PIEZO1: variants seen among roughly 807,000 people sequenced by gnomAD.
PIEZO1 encodes the protein piezo type mechanosensitive ion channel component 1 (Er blood group).
A neutral mutation model predicts 297.2 loss-of-function variants in PIEZO1; 296 were observed. The observed-to-expected ratio is 1.00, with a 90% CI of 0.91 to 1.10. The LOEUF is 1.10. Ranked by LOEUF, PIEZO1 falls within the 50% of genes least tolerant of loss-of-function variation. The probability of loss-of-function intolerance (pLI) is 0.00; values close to 1 mark genes in which losing one functional copy is unlikely to be tolerated. For missense variants in PIEZO1, 5,018 were observed against 3,455.5 expected (o/e 1.45, Z -11.34); for synonymous variants, 2,427 against 1,507.5 (o/e 1.61, Z -14.13).
chr16:88,717,557 G>C lies in PIEZO1; in HGVS notation c.6472-346C>G, dbSNP rs537607938. 6.1e-6 allele frequency: 3 copies of C among 494,792 alleles called. No individual in the cohort carries two copies. In the Admixed American group the frequency reaches 6.9e-5, roughly 11 times the overall value. The allele number at this position is 494,792 out of a possible 1,614,324, so 30.7% of individuals were successfully genotyped here. On this transcript the variant is annotated intron_variant, in intron 44 of 50. Transcript: ENST00000301015. ...TTTACCTCAAAGTGGATCAAAGAGC[G>C]AAACTTCAGAGCTAAAACTATAGAA...
chr16:88,751,526 C>T (rs1452559645), intron 1 of PIEZO1, among the ~76,000 whole-genome samples: 2 of 152,226 alleles, frequency 1.3e-5, no homozygotes, highest in East Asian at 1.9e-4. Context: ...GGGCACCGCC[C>T]GCCCTGCTGG....
rs1280667955 is a variant in PIEZO1 at position 88,722,636 on chromosome 16, C to A, written c.4722G>T (p.Glu1574Asp). The change falls in exon 35 of 51, where the codon GAG becomes GAT. Residue 1574 changes from glutamate (E) to aspartate (D), a missense_variant. Coordinates refer to ENST00000301015, the MANE Select transcript of PIEZO1 (RefSeq NM_001142864.4). ...CCTCGGTGGGGCCTGGCAGCGTGGC[C>A]TCGGCCTGGCTTGTGTACAGCTGAT... ...VLDQLYTSQAEATLPGPTEAP... is the reference protein window; with the variant it reads ...VLDQLYTSQADATLPGPTEAP... 1.3e-6 allele frequency: 2 copies of A among 1,538,438 alleles called. No homozygotes were observed. Among genetic ancestry groups the A allele is most frequent in the Non-Finnish European group, 1.7e-6 (2 of 1,146,178 alleles).
At chr16:88,755,796 G>A (rs1039800306) in intron 1 of PIEZO1, among the ~76,000 whole-genome samples, 9 of 152,346 alleles carry the variant, frequency 5.9e-5, no homozygotes, top group African/African-American at 2.2e-4. Context: ...GGCCTCACAG[G>A]AGAGCCTCGG....
chr16:88,720,476 T>G lies in PIEZO1; in HGVS notation c.5858A>C (p.Lys1953Thr), dbSNP rs566633253. ...RRFFHDILHT[K>T]YRAATDVYAL... is the part of the protein sequence containing the mutation. ...ATAGACGTCGGTGGCTGCGCGGTAC[T>G]TGGTGTGCAGGATGTCGTGGAAGAA... The change falls in exon 41 of 51, where the codon AAG (lysine) becomes ACG (threonine). Residue 1953 changes from lysine to threonine, a missense_variant. Physicochemically the swap from Lys to Thr is moderately conservative, Grantham distance 78. Transcript: ENST00000301015. 2.6e-6 allele frequency: 4 copies of G among 1,550,286 alleles called. No homozygotes were observed. Among genetic ancestry groups the G allele is most frequent in the Non-Finnish European group, 3.5e-6 (4 of 1,146,956 alleles).
intron 2 of PIEZO1, chr16:88,743,009 T>C: frequency 2.2e-6 from 1 of 454,500 alleles, no homozygotes. Flanking sequence ...CCCTGGCATT[T>C]CAGGCACCTG....
In PIEZO1 at chr16:88,736,178, G is replaced by T. The variant is rs76834910; in HGVS notation, c.1527C>A (p.Thr509=). Reference sequence around the variant, plus strand: ...CACCAAGGTCCAGACAGGGGTAGCGGGTGTGCTCCAGCCCCAGCTGGCGCA... The same window carrying T: ...CACCAAGGTCCAGACAGGGGTAGCGTGTGTGCTCCAGCCCCAGCTGGCGCA... ...VSLRQLGLEH[T]RYPCLDLGAM... The change falls in exon 12 of 51, where the codon ACC becomes ACA. Residue 509 remains threonine, a synonymous_variant. Transcript: ENST00000301015. 10,258 of 1,548,756 alleles carry T rather than the reference G, an allele frequency of 6.6e-3. 256 individuals are homozygous for T. The highest frequency in any genetic ancestry group is 0.066 in the Admixed American group (3,343 of 50,948).
rs117588304 is a variant in PIEZO1, at chr16:88,766,758, C to T, written c.65-17279G>A. On this transcript the variant is annotated intron_variant, in intron 1 of 50. Coordinates refer to ENST00000301015, the MANE Select transcript of PIEZO1 (RefSeq NM_001142864.4). ...AACCACTAGGTGGGCAGGGCACTGC[C>T]TGGCTCTTCCCCAGGATCACCAGCC... Among the ~76,000 whole-genome samples, 938 of 152,360 alleles carry T rather than the reference C, an allele frequency of 6.2e-3. 12 individuals are homozygous for T. Among genetic ancestry groups the T allele is most frequent in the East Asian group, 0.024 (124 of 5,176 alleles).
intron 1 of PIEZO1, among the ~76,000 whole-genome samples, chr16:88,784,506 GAAAGAGAAA>G (rs1908085823): frequency 6.6e-6 from 1 of 151,540 alleles, no homozygotes; most frequent in Non-Finnish European, 1.5e-5. Context: ...TTTTAAACCC[GAAAGAGAAA>G]AAGAGATTCG....
intron 2 of PIEZO1, among the ~76,000 whole-genome samples, chr16:88,746,234 G>A (rs1420161450): frequency 1.3e-5 from 2 of 152,162 alleles, no homozygotes; most frequent in Non-Finnish European, 2.9e-5. Flanking sequence ...CAGAGCCGGG[G>A]GACCAGTGAA....
At position 88,721,586 on chromosome 16, in the gene PIEZO1, G is replaced by A. The variant is rs748981838; in HGVS notation, c.5355C>T (p.Tyr1785=). 214 of 1,550,162 alleles carry A rather than the reference G, an allele frequency of 1.4e-4. No individual in the cohort carries two copies. Among genetic ancestry groups the A allele is most frequent in the South Asian group, 3.8e-4 (32 of 84,060 alleles). Residue 1785 remains tyrosine, a synonymous_variant, in exon 38 of 51, where the codon TAC becomes TAT. Transcript: ENST00000301015. Reference sequence around the variant, plus strand: ...AAAGGGCCATGAGCTGCACCAGGTCGTACTTGATGTAGCCGTCAGTCTTCT... The same window carrying A: ...AAAGGGCCATGAGCTGCACCAGGTCATACTTGATGTAGCCGTCAGTCTTCT... ...GLEKTDGYIK[Y]DLVQLMALFF...
At chr16:88,768,684 G>C (rs1345340922) in intron 1 of PIEZO1, among the ~76,000 whole-genome samples, 1 of 152,212 alleles carries the variant, frequency 6.6e-6, no homozygotes, top group African/African-American at 2.4e-5. Flanking sequence ...CCTGGGGAGA[G>C]GCCAGGATGG....
At chr16:88,744,745 G>C (rs2340963) in intron 2 of PIEZO1, among the ~76,000 whole-genome samples, 119,999 of 151,254 alleles carry the variant, frequency 0.79, 47,770 homozygotes, top group East Asian at 0.95. Flanking sequence ...TGATCCCTCC[G>C]CAGGGTCGAA....
Position 88,726,897 on chromosome 16 carries a change from C to T in PIEZO1, c.3517G>A (p.Val1173Met), listed in dbSNP as rs987656266. 1 of 1,550,320 alleles carries T rather than the reference C, an allele frequency of 6.5e-7. No individual in the cohort carries two copies. Among genetic ancestry groups the T allele is most frequent in the African/African-American group, 1.4e-5 (1 of 73,052 alleles). ...FRYLFWLVLV[V>M]VFVTGATRIS... ...CGGGTGGCCCCCGTGACAAACACCA[C>T]CACCAGCACCAGCCAGAACAGGTAT... is the stretch of plus-strand genomic sequence containing the variant. Residue 1173 changes from valine to methionine, a missense_variant, in exon 25 of 51, where the codon GTG becomes ATG. By Grantham distance (21) the Val-to-Met change is conservative. Transcript: ENST00000301015.
intron 1 of PIEZO1, among the ~76,000 whole-genome samples, chr16:88,762,098 C>T (rs1384336041): frequency 1.3e-5 from 2 of 152,182 alleles, no homozygotes; most frequent in African/African-American, 4.8e-5. Context: ...CCAGGAAGGA[C>T]GCAGGTCCCG....
At chr16:88,724,376 C>G (rs943551332) in intron 30 of PIEZO1, among the ~76,000 whole-genome samples, 2 of 151,984 alleles carry the variant, frequency 1.3e-5, no homozygotes, top group Non-Finnish European at 2.9e-5. Flanking sequence ...ACTAAAAATA[C>G]GAAAATTAGC....
Position 88,723,523 on chromosome 16 carries a change from G to A in PIEZO1, c.4336-195C>T, listed in dbSNP as rs1260038634. ...AAGACTCCCACCCATTCAGGAGTTG[G>A]GTGGGCTGGTCTAACACCAAGAGCC... On this transcript the variant is annotated intron_variant, in intron 31 of 50. Coordinates refer to ENST00000301015, the MANE Select transcript of PIEZO1 (RefSeq NM_001142864.4). Among the ~76,000 whole-genome samples the A allele has an allele frequency of 2.6e-5, 4 of 152,230 alleles. No individual in the cohort carries two copies. In the East Asian group the frequency reaches 5.8e-4, roughly 22 times the overall value.
rs555419811 is a variant in PIEZO1, at chr16:88,770,049, C to T, written c.64+14852G>A. The stretch of plus-strand genomic sequence containing the variant: ...GAGAGAGGAAGTGAGGGACTGTTGA[C>T]GCATGGCCCGTCCCCAGGGAAGAGG... On this transcript the variant is annotated intron_variant, in intron 1 of 50. Coordinates refer to ENST00000301015, the MANE Select transcript of PIEZO1 (RefSeq NM_001142864.4). Among the ~76,000 whole-genome samples, 557 of 152,316 alleles carry T rather than the reference C, an allele frequency of 3.7e-3. 5 individuals carry two copies. The highest frequency in any genetic ancestry group is 0.013 in the African/African-American group (529 of 41,564).
At chr16:88,748,609 C>T (rs896414352) in intron 2 of PIEZO1, among the ~76,000 whole-genome samples, 11 of 151,954 alleles carry the variant, frequency 7.2e-5, no homozygotes, top group South Asian at 2.1e-4. Flanking sequence ...AGGCAGGAAA[C>T]GTGCCTGGAG....
intron 1 of PIEZO1, among the ~76,000 whole-genome samples, chr16:88,764,841 G>C (rs1340366854): frequency 6.6e-6 from 1 of 152,042 alleles, no homozygotes; most frequent in East Asian, 1.9e-4. Flanking sequence ...CCCAAAACGA[G>C]GACTCCGCCC....
Sources: allele counts gnomAD v4.1 joint callset (sites outside exome capture counted in the v4.1 genomes callset), GRCh38; gene constraint gnomAD v4.1.1; transcripts MANE v1.5; gene names NCBI Gene and HGNC (gene_info 2026-07-23, HGNC 2026-07-21).